The following SAMD5 variants were observed in gnomAD, a reference collection of about 807,000 sequenced individuals.
SAMD5 encodes the protein sterile alpha motif domain containing 5, also known as sterile alpha motif domain-containing protein 5.
SAMD5 carries 13 observed loss-of-function variants against 11.3 expected under a neutral mutation model. The observed-to-expected ratio is 1.15, with a 90% CI of 0.75 to 1.83. SAMD5 has a LOEUF of 1.83. Among genes scored for constraint, SAMD5 ranks in the 40% most tolerant of loss-of-function variants. The pLI is 0.00. For missense variants in SAMD5, 255 were observed against 239.1 expected, an observed-to-expected ratio of 1.07 and a Z score of -0.44; for synonymous variants, 129 against 111.3, an observed-to-expected ratio of 1.16 and a Z score of -1.00.
the SAMD5 span, among the ~76,000 whole-genome samples, chr6:147,856,159 A>G: frequency 2.6e-5 from 4 of 152,216 alleles, no homozygotes; most frequent in Non-Finnish European, 5.9e-5. Context: ...TGGTAAGTGG[A>G]AAAAGTCTAT....
At chr6:147,790,090 A>T in the SAMD5 span, among the ~76,000 whole-genome samples, 5 of 152,212 alleles carry the variant, frequency 3.3e-5, no homozygotes, top group Non-Finnish European at 5.9e-5. Flanking sequence ...TATCTGATTG[A>T]TCTGAAAACC....
intron 1 of SAMD5, among the ~76,000 whole-genome samples, chr6:147,542,597 C>T (rs931183674): frequency 4.6e-5 from 7 of 152,040 alleles, no homozygotes; most frequent in Admixed American, 6.5e-5. Context: ...TGTCTTTTTG[C>T]GCTGAGTCAG....
At chr6:147,542,407 T>C (rs544282850) in intron 1 of SAMD5, among the ~76,000 whole-genome samples, 2 of 152,104 alleles carry the variant, frequency 1.3e-5, no homozygotes, top group African/African-American at 4.8e-5. Flanking sequence ...GGAATTGCAA[T>C]GGAGAAAGAG....
At chr6:147,687,563 A>G (rs940702218) in intron 1 of SAMD5, among the ~76,000 whole-genome samples, 8 of 151,970 alleles carry the variant, frequency 5.3e-5, no homozygotes, top group Admixed American at 2.6e-4. Flanking sequence ...TCATACTTCT[A>G]TCTGGAATCA....
the SAMD5 span, among the ~76,000 whole-genome samples, chr6:147,824,253 C>A: frequency 3.2e-3 from 487 of 152,312 alleles, 1 homozygote; most frequent in Middle Eastern, 6.8e-3. Context: ...AATTCTAATG[C>A]ATGAAATTGT....
At chr6:147,790,933 T>C in the SAMD5 span, among the ~76,000 whole-genome samples, 1 of 151,970 alleles carries the variant, frequency 6.6e-6, no homozygotes, top group Non-Finnish European at 1.5e-5. Flanking sequence ...CATTATCATG[T>C]TGACTTTGTG....
the SAMD5 span, among the ~76,000 whole-genome samples, chr6:147,892,155 G>A: frequency 6.6e-6 from 1 of 152,178 alleles, no homozygotes. Flanking sequence ...TTGCCTCCTT[G>A]TTTCCTTCTT....
At chr6:147,689,418 CTGAG>C (rs1311030529) in intron 1 of SAMD5, among the ~76,000 whole-genome samples, 5 of 152,136 alleles carry the variant, frequency 3.3e-5, no homozygotes, top group African/African-American at 1.2e-4. Context: ...ATGAATCTCT[CTGAG>C]TATCATTATC....
At chr6:147,664,886 T>A in intron 1 of SAMD5, among the ~76,000 whole-genome samples, 1 of 152,188 alleles carries the variant, frequency 6.6e-6, no homozygotes, top group East Asian at 1.9e-4. Flanking sequence ...TTTTTGCTGC[T>A]GCTTTGAATA....
At chr6:147,806,009 T>C in the SAMD5 span, among the ~76,000 whole-genome samples, 1,259 of 152,164 alleles carry the variant, frequency 8.3e-3, 14 homozygotes, top group African/African-American at 0.029. Context: ...TCAGAGTTCA[T>C]CTGGGGACCA....
At chr6:147,546,398 C>T (rs533683221) in intron 1 of SAMD5, among the ~76,000 whole-genome samples, 4 of 152,162 alleles carry the variant, frequency 2.6e-5, no homozygotes, top group Admixed American at 1.3e-4. Flanking sequence ...GGTGTGGTGG[C>T]GCATGCCTGT....
intron 1 of SAMD5, among the ~76,000 whole-genome samples, chr6:147,718,263 T>C (rs945846531): frequency 6.6e-6 from 1 of 152,190 alleles, no homozygotes; most frequent in Non-Finnish European, 1.5e-5. Context: ...GAGGAGCAGA[T>C]GCAGTGACTG....
At chr6:147,909,557 CTTTT>C in the SAMD5 span, among the ~76,000 whole-genome samples, 26,280 of 130,130 alleles carry the variant, frequency 0.2, 4,941 homozygotes, top group African/African-American at 0.35. Context: ...GACCATCCAT[CTTTT>C]TTCTTTCTTT....
chr6:147,596,289 G>A (rs369909324), intron 1 of SAMD5, among the ~76,000 whole-genome samples: 2 of 152,148 alleles, frequency 1.3e-5, no homozygotes, highest in Admixed American at 6.5e-5. Flanking sequence ...GTTATTGGCC[G>A]ATGACTGTCT....
the SAMD5 span, among the ~76,000 whole-genome samples, chr6:147,745,033 A>G: frequency 1.3e-5 from 2 of 152,202 alleles, no homozygotes; most frequent in Admixed American, 6.5e-5. Flanking sequence ...AGAGACGTCA[A>G]TTGTATATTT....
the SAMD5 span, among the ~76,000 whole-genome samples, chr6:147,861,958 T>C: frequency 2.1e-4 from 32 of 152,258 alleles, no homozygotes; most frequent in African/African-American, 7.0e-4. Context: ...TCATTCTTCC[T>C]GATGGACATG....
chr6:147,569,469 A>G lies in SAMD5; in HGVS notation c.*5013A>G, dbSNP rs138117164. ...TGGACCAAAAGGAAATAAATCTACAATAAATCTACTTTCTAAATATTATTT... is the reference window on the plus strand; with the variant it reads ...TGGACCAAAAGGAAATAAATCTACAGTAAATCTACTTTCTAAATATTATTT... On this transcript the variant is annotated 3_prime_UTR_variant, in exon 2 of 2. Transcript: ENST00000367474. The G allele has an allele frequency of 1.1e-6, 1 of 917,016 alleles. No homozygotes were observed. Among genetic ancestry groups the G allele is most frequent in the East Asian group, 1.2e-4 (1 of 8,510 alleles). 56.8% of individuals were successfully genotyped at this position (917,016 alleles called of 1,614,324 possible).
the SAMD5 span, among the ~76,000 whole-genome samples, chr6:147,746,868 A>G: frequency 6.6e-6 from 1 of 152,206 alleles, no homozygotes; most frequent in Admixed American, 6.5e-5. Flanking sequence ...AAGGCATGCA[A>G]AAGTAGGCTC....
At chr6:147,522,074 G>C (rs1052619650) in intron 1 of SAMD5, among the ~76,000 whole-genome samples, 1 of 151,880 alleles carries the variant, frequency 6.6e-6, no homozygotes, top group Non-Finnish European at 1.5e-5. Flanking sequence ...TGTCTAATCT[G>C]TCTAAGTTTA....
Sources: gnomAD v4.1 joint callset for allele counts (sites outside exome capture counted in the v4.1 genomes callset) on GRCh38, gnomAD v4.1.1 for gene constraint, MANE v1.5 for transcripts, NCBI Gene and HGNC (gene_info 2026-07-23, HGNC 2026-07-21) for gene names.